PHKB: variants seen among roughly 807,000 people sequenced by gnomAD.
PHKB encodes the protein phosphorylase b kinase regulatory subunit beta.
Under a neutral mutation model 152.1 loss-of-function variants are expected in PHKB, and 122 were observed. The observed-to-expected ratio is 0.80, with a 90% CI of 0.69 to 0.93. The LOEUF (loss-of-function observed/expected upper bound fraction) is 0.93, where lower values mean the gene tolerates loss of function less well. Among genes scored for constraint, PHKB ranks in the 40% least tolerant of loss-of-function variants. The probability of loss-of-function intolerance (pLI) is 0.00; values close to 1 mark genes in which losing one functional copy is unlikely to be tolerated. For synonymous variants in PHKB, 436 were observed against 464.9 expected (o/e 0.94, Z 0.80); for missense variants, 1,304 against 1,328.4 (o/e 0.98, Z 0.29).
At chr16:47,475,639 G>A (rs1969855247) in intron 1 of PHKB, among the ~76,000 whole-genome samples, 1 of 152,102 alleles carries the variant, frequency 6.6e-6, no homozygotes. Flanking sequence ...ATAGAACCAT[G>A]CCCCATTTGG....
At chr16:47,620,338 A>G (rs988489978) in intron 14 of PHKB, among the ~76,000 whole-genome samples, 6 of 152,234 alleles carry the variant, frequency 3.9e-5, no homozygotes, top group African/African-American at 9.6e-5. Flanking sequence ...CAGGAGGCAC[A>G]CTGCATGCTT....
At chr16:47,609,454 A>G (rs1212274293) in intron 13 of PHKB, among the ~76,000 whole-genome samples, 1 of 147,940 alleles carries the variant, frequency 6.8e-6, no homozygotes, top group Admixed American at 6.8e-5. Context: ...GGGGGGGCAC[A>G]GTTTGTGAAA....
chr16:47,506,123 G>A (rs1970413889), intron 4 of PHKB, among the ~76,000 whole-genome samples: 2 of 151,454 alleles, frequency 1.3e-5, no homozygotes, highest in South Asian at 4.2e-4. Context: ...GGAGGCTGAG[G>A]CAGGCAGGTA....
intron 20 of PHKB, 100 bp downstream of exon 20, chr16:47,651,021 A>G: frequency 1.1e-6 from 1 of 871,180 alleles, no homozygotes; most frequent in Non-Finnish European, 1.9e-6. Flanking sequence ...TTTTGACTTA[A>G]GGTTTTATTC....
At chr16:47,555,819 T>C (rs1010827398) in intron 7 of PHKB, among the ~76,000 whole-genome samples, 18 of 152,234 alleles carry the variant, frequency 1.2e-4, no homozygotes, top group Admixed American at 8.5e-4. Flanking sequence ...AAGAAAGTCG[T>C]TGGTAGCTTG....
chr16:47,556,187 C>A (rs1971366396), intron 7 of PHKB, among the ~76,000 whole-genome samples: 1 of 152,200 alleles, frequency 6.6e-6, no homozygotes, highest in South Asian at 2.1e-4. Context: ...ATGGAGTTTT[C>A]TAGATATACA....
chr16:47,576,008 G>A (rs566219172), intron 7 of PHKB, among the ~76,000 whole-genome samples: 16 of 152,224 alleles, frequency 1.1e-4, no homozygotes, highest in East Asian at 3.9e-4. Flanking sequence ...CCCGGGAGGC[G>A]GAGGTTGTGG....
At position 47,619,084 on chromosome 16, in the gene PHKB, G is replaced by C. The variant is rs137911052; in HGVS notation, c.1458+8164G>C. On this transcript the variant is annotated intron_variant, in intron 14 of 30. Coordinates refer to ENST00000323584, the MANE Select transcript of PHKB (RefSeq NM_000293.3). The stretch of plus-strand genomic sequence containing the variant: ...TGCCACTTCTACCCACATTATATCT[G>C]ATTTTAACATTTTTTTCTGAGACAA... 9.9e-5 allele frequency: 15 copies of C among 152,262 alleles called. No individual in the cohort carries two copies. In the East Asian group the frequency reaches 2.9e-3, roughly 29 times the overall value. The allele number at this position is 152,262 out of a possible 1,614,324, so 9.4% of individuals were successfully genotyped here.
Position 47,665,699 on chromosome 16 carries a change from C to T in PHKB, c.2427+724C>T. On this transcript the variant is annotated intron_variant, in intron 25 of 30. Transcript: ENST00000323584. ...TTGCTTTTTATATCAATAGTGTCAT[C>T]AATAATATTTTTGTCACAGCTTGGT... The T allele has an allele frequency of 8.6e-6, 5 of 582,264 alleles. No homozygotes were observed. The South Asian group carries it at 9.9e-5, about 12-fold the overall frequency. The allele number at this position is 582,264 out of a possible 1,614,324, so 36.1% of individuals were successfully genotyped here.
At chr16:47,509,786 A>G (rs144588494) in intron 4 of PHKB, among the ~76,000 whole-genome samples, 1 of 152,162 alleles carries the variant, frequency 6.6e-6, no homozygotes, top group Non-Finnish European at 1.5e-5. Context: ...TGGATTTTCC[A>G]TACCAAGCAG....
chr16:47,558,368 A>G (rs1455710896), intron 7 of PHKB, among the ~76,000 whole-genome samples: 3 of 152,120 alleles, frequency 2.0e-5, no homozygotes, highest in Non-Finnish European at 2.9e-5. Context: ...TGTACCCTAA[A>G]ACTTAAAGTA....
intron 7 of PHKB, among the ~76,000 whole-genome samples, chr16:47,578,943 T>C (rs1017531801): frequency 8.5e-5 from 13 of 152,102 alleles, no homozygotes; most frequent in South Asian, 2.1e-4. Context: ...TGTTGGGGAT[T>C]TTTTGTATGC....
intron 6 of PHKB, among the ~76,000 whole-genome samples, chr16:47,524,625 TG>T (rs1970736745): frequency 6.6e-6 from 1 of 152,246 alleles, no homozygotes; most frequent in South Asian, 2.1e-4. Context: ...AAAAATTACC[TG>T]GGAGTGGTGG....
At chr16:47,550,483 C>T (rs1971252394) in intron 7 of PHKB, among the ~76,000 whole-genome samples, 1 of 152,238 alleles carries the variant, frequency 6.6e-6, no homozygotes, top group Non-Finnish European at 1.5e-5. Flanking sequence ...TGTAGTCTGA[C>T]ACTTTCTCTG....
chr16:47,520,084 A>C (rs1448265950), intron 6 of PHKB, among the ~76,000 whole-genome samples: 3 of 152,098 alleles, frequency 2.0e-5, no homozygotes, highest in African/African-American at 7.2e-5. Flanking sequence ...AGGGGTTTCT[A>C]TCTCAAAAGT....
intron 6 of PHKB, among the ~76,000 whole-genome samples, chr16:47,540,988 T>C (rs1971047716): frequency 6.6e-6 from 1 of 151,864 alleles, no homozygotes; most frequent in Non-Finnish European, 1.5e-5. Context: ...TCACCACGCC[T>C]GGCTAATTTT....
At chr16:47,613,750 T>A (rs1972468679) in intron 14 of PHKB, among the ~76,000 whole-genome samples, 1 of 152,224 alleles carries the variant, frequency 6.6e-6, no homozygotes, top group South Asian at 2.1e-4. Flanking sequence ...GTGTTATTCC[T>A]TTATAATCAT....
At chr16:47,656,363 G>T (rs1301433275) in intron 20 of PHKB, among the ~76,000 whole-genome samples, 2 of 152,116 alleles carry the variant, frequency 1.3e-5, no homozygotes, top group African/African-American at 4.8e-5. Context: ...CACCATTTGT[G>T]TTTTTACTTT....
At chr16:47,491,488 C>T (rs940518555) in intron 1 of PHKB, among the ~76,000 whole-genome samples, 8 of 152,118 alleles carry the variant, frequency 5.3e-5, no homozygotes, top group African/African-American at 1.2e-4. Context: ...ATTAAAGTCA[C>T]GTGAACTAAA....
Sources: gnomAD v4.1 joint callset for allele counts (sites outside exome capture counted in the v4.1 genomes callset) on GRCh38, gnomAD v4.1.1 for gene constraint, MANE v1.5 for transcripts, NCBI Gene and HGNC (gene_info 2026-07-23, HGNC 2026-07-21) for gene names.